Variants in SLC24A2 observed in about 807,000 individuals in gnomAD.
SLC24A2 encodes solute carrier family 24 member 2.
SLC24A2 carries 36 observed loss-of-function variants against 62.0 expected under a neutral mutation model. The observed-to-expected ratio is 0.58, with a 90% CI of 0.44 to 0.77. The LOEUF (loss-of-function observed/expected upper bound fraction) is 0.77, where lower values mean the gene tolerates loss of function less well. Among genes scored for constraint, SLC24A2 ranks in the 30% least tolerant of loss-of-function variants. SLC24A2 has a pLI of 0.00. For missense variants in SLC24A2, 846 were observed against 817.9 expected (o/e 1.03, Z -0.42); for synonymous variants, 358 against 294.0 (o/e 1.22, Z -2.23).
At chr9:19,830,722 G>T in the SLC24A2 span, among the ~76,000 whole-genome samples, 1 of 152,060 alleles carries the variant, frequency 6.6e-6, no homozygotes. Context: ...TCCCTAACTG[G>T]ACATTGCAGG....
chr9:20,020,127 T>C, the SLC24A2 span, among the ~76,000 whole-genome samples: 1 of 152,214 alleles, frequency 6.6e-6, no homozygotes, highest in Non-Finnish European at 1.5e-5. Flanking sequence ...TTGGTGGCAG[T>C]GTAAATTAGT....
At chr9:19,710,281 C>T (rs1275684359) in intron 2 of SLC24A2, among the ~76,000 whole-genome samples, 1 of 152,262 alleles carries the variant, frequency 6.6e-6, no homozygotes, top group East Asian at 1.9e-4. Context: ...TGTTTCCTTA[C>T]CTCAAGATGC....
chr9:19,915,438 G>C, the SLC24A2 span, among the ~76,000 whole-genome samples: 2 of 151,886 alleles, frequency 1.3e-5, no homozygotes, highest in Non-Finnish European at 2.9e-5. Context: ...CAATTCTCTT[G>C]GGCATATACC....
the SLC24A2 span, among the ~76,000 whole-genome samples, chr9:20,247,614 G>C: frequency 1.3e-5 from 2 of 152,220 alleles, no homozygotes; most frequent in Admixed American, 1.3e-4. Context: ...CTTGATCTTA[G>C]ACTTCTCTGT....
chr9:20,013,622 C>T, the SLC24A2 span, among the ~76,000 whole-genome samples: 36 of 152,172 alleles, frequency 2.4e-4, no homozygotes, highest in African/African-American at 7.7e-4. Context: ...AATGAACAGA[C>T]AACTCACAGA....
chr9:19,829,350 G>A, the SLC24A2 span, among the ~76,000 whole-genome samples: 2 of 152,158 alleles, frequency 1.3e-5, no homozygotes, highest in East Asian at 3.9e-4. Context: ...TAAGACCTAA[G>A]AGCACATTGG....
At chr9:20,279,213 C>T in the SLC24A2 span, among the ~76,000 whole-genome samples, 1 of 152,144 alleles carries the variant, frequency 6.6e-6, no homozygotes, top group Non-Finnish European at 1.5e-5. Context: ...GGGGACACAG[C>T]CAAATCATAT....
At chr9:20,295,103 C>T in the SLC24A2 span, among the ~76,000 whole-genome samples, 531 of 151,590 alleles carry the variant, frequency 3.5e-3, 5 homozygotes, top group African/African-American at 0.012. Flanking sequence ...GTATTGCAAC[C>T]TCAAGAGATA....
the SLC24A2 span, among the ~76,000 whole-genome samples, chr9:20,019,253 G>GAGAAAGAAAGAAAGAAAGAAAGAAAGAA: frequency 1.8e-5 from 2 of 109,640 alleles, no homozygotes; most frequent in African/African-American, 3.5e-5. Context: ...AAGAAGGAAA[G>GAGAAAGAAAGAAAGAAAGAAAGAAAGAA]AGAAAGAAAG....
chr9:19,764,012 G>T (rs1822431283), intron 2 of SLC24A2, among the ~76,000 whole-genome samples: 1 of 152,146 alleles, frequency 6.6e-6, no homozygotes, highest in Non-Finnish European at 1.5e-5. Flanking sequence ...TCTACTCAGG[G>T]ATTCGACTTC....
rs747399989 is a variant in SLC24A2, at chr9:19,516,275, C to T, written c.1864G>A (p.Ala622Thr). Residue 622 changes from alanine to threonine, a missense_variant, in exon 11 of 11, where the codon GCC becomes ACC. Transcript: ENST00000341998. ...TTGTTCATTCGCCACTTGCAGAGGG[C>T]GATAGAGAGGATGACGAAGAGCAGC... is the stretch of plus-strand genomic sequence containing the variant. ...IMLLFVILSIALCKWRMNKIL... is the reference protein window; with the variant it reads ...IMLLFVILSITLCKWRMNKIL... The T allele has an allele frequency of 8.7e-6, 14 of 1,613,904 alleles. No homozygotes were observed. Among genetic ancestry groups the T allele is most frequent in the African/African-American group, 5.3e-5 (4 of 74,834 alleles).
intron 2 of SLC24A2, among the ~76,000 whole-genome samples, chr9:19,713,788 T>C (rs1032082439): frequency 5.9e-5 from 9 of 152,072 alleles, no homozygotes; most frequent in East Asian, 1.9e-4. Context: ...GATTTTTTTT[T>C]CCCCCCGATG....
the SLC24A2 span, among the ~76,000 whole-genome samples, chr9:19,889,402 T>C: frequency 1.3e-5 from 2 of 152,142 alleles, no homozygotes; most frequent in African/African-American, 4.8e-5. Context: ...AGATGTAGCA[T>C]ACTCAGATTG....
chr9:20,297,618 G>C, the SLC24A2 span, among the ~76,000 whole-genome samples: 1 of 152,342 alleles, frequency 6.6e-6, no homozygotes, highest in Middle Eastern at 3.4e-3. Flanking sequence ...CCCCCACCTA[G>C]GCAGCTGCCA....
At chr9:19,861,905 A>G in the SLC24A2 span, among the ~76,000 whole-genome samples, 2 of 152,276 alleles carry the variant, frequency 1.3e-5, no homozygotes, top group South Asian at 2.1e-4. Context: ...AGGAAACAAA[A>G]GAAAAAAAGA....
chr9:19,966,462 T>C, the SLC24A2 span, among the ~76,000 whole-genome samples: 9 of 152,348 alleles, frequency 5.9e-5, no homozygotes, highest in African/African-American at 1.9e-4. Context: ...AATAATTTCT[T>C]GTAGCTAAGC....
chr9:19,602,673 G>A (rs1836871849), intron 4 of SLC24A2, among the ~76,000 whole-genome samples: 1 of 152,188 alleles, frequency 6.6e-6, no homozygotes, highest in Non-Finnish European at 1.5e-5. Flanking sequence ...GGTTAAAAGA[G>A]TGTGTTCTGG....
At chr9:20,018,113 A>AT in the SLC24A2 span, among the ~76,000 whole-genome samples, 2 of 151,872 alleles carry the variant, frequency 1.3e-5, no homozygotes, top group Admixed American at 1.3e-4. Flanking sequence ...GGCCCGGCTA[A>AT]TTTTTTTGTA....
At chr9:20,074,515 T>G in the SLC24A2 span, among the ~76,000 whole-genome samples, 2 of 150,012 alleles carry the variant, frequency 1.3e-5, no homozygotes, top group African/African-American at 4.9e-5. Context: ...TATTAGGTCA[T>G]GCCCAGTAGC....
Sources: allele counts gnomAD v4.1 joint callset (sites outside exome capture counted in the v4.1 genomes callset), GRCh38; gene constraint gnomAD v4.1.1; transcripts MANE v1.5; gene names NCBI Gene and HGNC (gene_info 2026-07-23, HGNC 2026-07-21).